TXNRD1: variants seen among roughly 807,000 people sequenced by gnomAD.
TXNRD1 encodes the protein thioredoxin reductase 1.
In TXNRD1, 57 loss-of-function variants were observed where a neutral mutation model predicts 80.3. The ratio of observed to expected loss-of-function variants is 0.71; its 90% confidence interval spans 0.57 to 0.89. The LOEUF (loss-of-function observed/expected upper bound fraction) is 0.89, where lower values mean the gene tolerates loss of function less well. TXNRD1 is among the 40% of genes least tolerant of loss of function. TXNRD1 has a pLI of 0.00. For missense variants in TXNRD1, 730 were observed against 803.0 expected (o/e 0.91, Z 1.10); for synonymous variants, 291 against 285.2 (o/e 1.02, Z -0.20).
chr12:104,299,065 G>T (rs751999102), intron 4 of TXNRD1, among the ~76,000 whole-genome samples: 1 of 152,228 alleles, frequency 6.6e-6, no homozygotes, highest in African/African-American at 2.4e-5. Context: ...TGTATTCACC[G>T]GATGTGAAAC....
intron 6 of TXNRD1, among the ~76,000 whole-genome samples, chr12:104,315,094 C>T (rs569922244): frequency 6.6e-6 from 1 of 152,324 alleles, no homozygotes; most frequent in Admixed American, 6.5e-5. Context: ...CTCTAATCAT[C>T]CCCAGCATAG....
At chr12:104,287,287 G>A (rs981731756) in intron 3 of TXNRD1, 1 of 1,614,014 alleles carries the variant, frequency 6.2e-7, no homozygotes, top group African/African-American at 1.3e-5. Flanking sequence ...TCCAAACCCA[G>A]GCAGCTTCGT....
chr12:104,253,767 C>G (rs943102032), intron 2 of TXNRD1, among the ~76,000 whole-genome samples: 2 of 150,868 alleles, frequency 1.3e-5, no homozygotes, highest in Non-Finnish European at 3.0e-5. Flanking sequence ...GATCTCGGCT[C>G]GCTGCAACCT....
intron 3 of TXNRD1, chr12:104,262,233 A>T (rs541347386): frequency 1.9e-4 from 12 of 61,546 alleles, no homozygotes; most frequent in Admixed American, 6.8e-4. Context: ...ACTCTGTATT[A>T]AAAAAAAAAA....
intron 12 of TXNRD1, among the ~76,000 whole-genome samples, chr12:104,327,176 C>T (rs891424725): frequency 2.3e-4 from 35 of 152,142 alleles, no homozygotes; most frequent in Non-Finnish European, 1.8e-4. Context: ...ACTTTTCTTC[C>T]AGTGCCATTC....
intron 14 of TXNRD1, among the ~76,000 whole-genome samples, chr12:104,333,123 A>G (rs187096170): frequency 4.5e-4 from 69 of 152,154 alleles, no homozygotes; most frequent in African/African-American, 1.4e-3. Flanking sequence ...GTAATTTGTT[A>G]AGCCATTCTT....
chr12:104,293,772 G>A (rs565558031), intron 4 of TXNRD1, among the ~76,000 whole-genome samples: 3 of 152,148 alleles, frequency 2.0e-5, no homozygotes, highest in African/African-American at 4.8e-5. Context: ...AGCTGGGCCC[G>A]GGGGACCGCT....
chr12:104,322,455 A>T (rs1357697331), intron 10 of TXNRD1, among the ~76,000 whole-genome samples: 1 of 134,182 alleles, frequency 7.5e-6, no homozygotes, highest in Non-Finnish European at 1.5e-5. Context: ...ATCTCAGCTG[A>T]CTGCAACCTC....
chr12:104,304,400 A>G (rs2034794068), intron 4 of TXNRD1: 1 of 1,614,004 alleles, frequency 6.2e-7, no homozygotes, highest in Non-Finnish European at 8.5e-7. Context: ...GGCAATAGAA[A>G]AGGAAGCAAC....
intron 1 of TXNRD1, among the ~76,000 whole-genome samples, chr12:104,223,319 T>G (rs1016909139): frequency 2.0e-5 from 3 of 152,216 alleles, no homozygotes; most frequent in Middle Eastern, 3.2e-3. Context: ...AATGTTTCAT[T>G]AAGTGCTTTA....
chr12:104,268,366 C>A (rs1178334124), intron 3 of TXNRD1, among the ~76,000 whole-genome samples: 1 of 135,330 alleles, frequency 7.4e-6, no homozygotes, highest in African/African-American at 2.8e-5. Context: ...AAAAAAAAAA[C>A]CCACCCATAT....
chr12:104,320,910 GGCAAGAAAGGGTATCTAAGA>G (rs2035504538), intron 9 of TXNRD1, among the ~76,000 whole-genome samples, 161 bp from the exon 10 acceptor site: 1 of 152,136 alleles, frequency 6.6e-6, no homozygotes, highest in Admixed American at 6.5e-5. Flanking sequence ...GCAACTGAGT[GGCAAGAAAGGGTATCTAAGA>G]ATTATAAAAA....
chr12:104,338,056 A>G (rs1166167582), intron 15 of TXNRD1, among the ~76,000 whole-genome samples: 1 of 149,548 alleles, frequency 6.7e-6, no homozygotes, highest in Non-Finnish European at 1.5e-5. Flanking sequence ...TCAGCCTCCC[A>G]AAGTGCTGGG....
At chr12:104,301,758 A>G (rs530716438) in intron 4 of TXNRD1, among the ~76,000 whole-genome samples, 43 of 152,254 alleles carry the variant, frequency 2.8e-4, no homozygotes, top group Non-Finnish European at 5.4e-4. Flanking sequence ...GATTTAAAAC[A>G]AGTTCAAATA....
chr12:104,307,975 A>G (rs1371053150), intron 4 of TXNRD1, among the ~76,000 whole-genome samples: 1 of 151,670 alleles, frequency 6.6e-6, no homozygotes, highest in Non-Finnish European at 1.5e-5. Context: ...TCATAATAGT[A>G]AGATGCTGTT....
At chr12:104,268,589 G>T (rs981292576) in intron 3 of TXNRD1, among the ~76,000 whole-genome samples, 4 of 152,030 alleles carry the variant, frequency 2.6e-5, no homozygotes, top group African/African-American at 7.2e-5. Flanking sequence ...CACGATCTCG[G>T]CTCACTGCAA....
rs139606762 is a variant in TXNRD1 at position 104,348,221 on chromosome 12, A to C, written c.1882-132A>C. The C allele has an allele frequency of 3.5e-4, 262 of 743,058 alleles. 1 individual carries two copies. In the African/African-American group the frequency reaches 4.2e-3, roughly 12 times the overall value. The allele number at this position is 743,058 out of a possible 1,614,324, so 46.0% of individuals were successfully genotyped here. On this transcript the variant is annotated intron_variant, in intron 16 of 16. Transcript: ENST00000525566. Reference sequence around the variant, plus strand: ...AGAAATAGAAGATATCCTTGATCATACTACTTCTCTGTTTTATTCATTTTG... The same window carrying C: ...AGAAATAGAAGATATCCTTGATCATCCTACTTCTCTGTTTTATTCATTTTG...
chr12:104,267,165 C>CA (rs925258421), intron 3 of TXNRD1, among the ~76,000 whole-genome samples: 2,325 of 53,748 alleles, frequency 0.043, 76 homozygotes, highest in South Asian at 0.17. Context: ...GACTCCCTCT[C>CA]AAAAAAAAAA....
At chr12:104,348,306 C>T (rs1174136575) in intron 16 of TXNRD1, 47 bp from the exon 17 acceptor site, 6 of 1,584,766 alleles carry the variant, frequency 3.8e-6, no homozygotes, top group South Asian at 1.1e-5. Context: ...CCTGTTACCT[C>T]ATTTGCTCAG....
Sources: allele counts gnomAD v4.1 joint callset (sites outside exome capture counted in the v4.1 genomes callset), GRCh38; gene constraint gnomAD v4.1.1; transcripts MANE v1.5; gene names NCBI Gene and HGNC (gene_info 2026-07-23, HGNC 2026-07-21).